Variants in SYCP3 observed in about 807,000 individuals in gnomAD.
SYCP3 encodes the protein synaptonemal complex protein 3.
Under a neutral mutation model 38.5 loss-of-function variants are expected in SYCP3, and 29 were observed. That is an observed-to-expected ratio of 0.75 (90% CI 0.56 to 1.03). The LOEUF is 1.03. Among genes scored for constraint, SYCP3 ranks in the 50% least tolerant of loss-of-function variants. The pLI is 0.00. For missense variants in SYCP3, 242 were observed against 270.7 expected (o/e 0.89, Z 0.74); for synonymous variants, 79 against 80.3 (o/e 0.98, Z 0.08).
intron 4 of SYCP3, among the ~76,000 whole-genome samples, 191 bp from the exon 5 acceptor site, chr12:101,735,235 T>C (rs1368223176): frequency 6.6e-6 from 1 of 152,204 alleles, no homozygotes; most frequent in African/African-American, 2.4e-5. Context: ...AACTCTCAGC[T>C]ACTAGCACCC....
rs1594181246 is a variant in SYCP3, at chr12:101,736,953, T to C, written c.235+84A>G. 4.0e-6 allele frequency: 5 copies of C among 1,260,584 alleles called. No homozygotes were observed. In the East Asian group the frequency reaches 7.4e-5, roughly 19 times the overall value. The allele number at this position is 1,260,584 out of a possible 1,614,324, so 78.1% of individuals were successfully genotyped here. ...AACAAGGCATTAAATAACAGTCTTATAGTCCATTATTAACATTTGTTATTA... is the reference window on the plus strand; with the variant it reads ...AACAAGGCATTAAATAACAGTCTTACAGTCCATTATTAACATTTGTTATTA... On this transcript the variant is annotated intron_variant, in intron 4 of 8. Coordinates refer to ENST00000392924, the MANE Select transcript of SYCP3 (RefSeq NM_001177949.2).
intron 5 of SYCP3, among the ~76,000 whole-genome samples, chr12:101,734,329 G>A (rs1032661145): frequency 2.0e-5 from 3 of 152,188 alleles, no homozygotes; most frequent in African/African-American, 4.8e-5. Context: ...GGAGGCTGAG[G>A]TGAGAGGATC....
chr12:101,738,609 G>A (rs2137081237), intron 1 of SYCP3, among the ~76,000 whole-genome samples: 1 of 152,286 alleles, frequency 6.6e-6, no homozygotes, highest in South Asian at 2.1e-4. Flanking sequence ...GGTGGCGGGT[G>A]CCTATGATCT....
intron 4 of SYCP3, among the ~76,000 whole-genome samples, chr12:101,735,475 A>G (rs1176132574): frequency 6.6e-6 from 1 of 152,084 alleles, no homozygotes; most frequent in Non-Finnish European, 1.5e-5. Flanking sequence ...ATCCTGACCA[A>G]CGTGGTGAAA....
chr12:101,737,862 T>G lies in SYCP3; in HGVS notation c.74A>C (p.Tyr25Ser), dbSNP rs767004353. Reference protein sequence around the residue: ...PSVEDQFTRAYDFETEDKKDL... With the variant: ...PSVEDQFTRASDFETEDKKDL... The stretch of plus-strand genomic sequence containing the variant: ...TTTCTTATCTTCAGTCTCAAAGTCA[T>G]AGGCTCTCGTAAACTGATCTTCCAC... The change falls in exon 2 of 9, where the codon TAT becomes TCT. Residue 25 changes from tyrosine (Y) to serine (S), a missense_variant. By Grantham distance (144) the Tyr-to-Ser change is moderately radical. Transcript: ENST00000392924. 6 of 1,614,122 alleles carry G rather than the reference T, an allele frequency of 3.7e-6. No individual in the cohort carries two copies. The highest frequency in any genetic ancestry group is 1.7e-5 in the Admixed American group (1 of 60,006).
chr12:101,737,998 T>C (rs955525768), intron 1 of SYCP3, 46 bp from the exon 2 acceptor site: 106 of 1,598,720 alleles, frequency 6.6e-5, no homozygotes, highest in Non-Finnish European at 8.6e-5. Flanking sequence ...AAAGACATCA[T>C]TTTAATACAC....
At chr12:101,734,086 C>G (rs1478232763) in intron 5 of SYCP3, among the ~76,000 whole-genome samples, 1 of 151,938 alleles carries the variant, frequency 6.6e-6, no homozygotes, top group African/African-American at 2.4e-5. Context: ...ATTTTTTTCC[C>G]TATTTTGGCT....
At position 101,728,854 on chromosome 12, in the gene SYCP3, T is replaced by TA. The variant is rs1332157219; in HGVS notation, c.*72dup. 3.1e-6 allele frequency: 5 copies of TA among 1,601,872 alleles called. No homozygotes were observed. Among genetic ancestry groups the TA allele is most frequent in the African/African-American group, 2.7e-5 (2 of 74,680 alleles). ...TTACAATTAAACTATTCTAAAGACT[T>TA]ACAATATGCTTCTTAGCTAACGTTA... On this transcript the variant is annotated 3_prime_UTR_variant, in exon 9 of 9. Transcript: ENST00000392924.
chr12:101,735,488 C>G (rs1014468509), intron 4 of SYCP3, among the ~76,000 whole-genome samples: 4 of 151,948 alleles, frequency 2.6e-5, no homozygotes, highest in African/African-American at 4.8e-5. Context: ...TGGTGAAAGC[C>G]TGTCTCTACT....
chr12:101,736,692 ATATG>A (rs1211094810), intron 4 of SYCP3, among the ~76,000 whole-genome samples: 1 of 134,846 alleles, frequency 7.4e-6, no homozygotes, highest in Non-Finnish European at 1.6e-5. Flanking sequence ...ATATACAAAT[ATATG>A]TATGTATGTA....
rs1594183076 is a variant in SYCP3, at chr12:101,737,381, T to G, written c.134-83A>C. On this transcript the variant is annotated intron_variant, in intron 2 of 8. Coordinates refer to ENST00000392924, the MANE Select transcript of SYCP3 (RefSeq NM_001177949.2). ...GGTAAATTTTAATGAAACATCTTCA[T>G]TTGGGGATTTTTAGGCTTTTTGCCA... 22 of 1,312,718 alleles carry G rather than the reference T, an allele frequency of 1.7e-5. No individual in the cohort carries two copies. In the East Asian group the frequency reaches 5.1e-4, roughly 30 times the overall value. The allele number at this position is 1,312,718 out of a possible 1,614,324, so 81.3% of individuals were successfully genotyped here. A position where few individuals can be genotyped will look rare whatever the true frequency, so the allele number is the denominator to read the frequency against.
rs1228686949 is a variant in SYCP3 at position 101,728,862 on chromosome 12, G to A, written c.*65C>T. 2 of 1,605,250 alleles carry A rather than the reference G, an allele frequency of 1.2e-6. No homozygotes were observed. The highest frequency in any genetic ancestry group is 3.3e-5 in the Admixed American group (2 of 59,896). ...AAACTATTCTAAAGACTTACAATAT[G>A]CTTCTTAGCTAACGTTATAATTGTA... On this transcript the variant is annotated 3_prime_UTR_variant, in exon 9 of 9. Coordinates refer to ENST00000392924, the MANE Select transcript of SYCP3 (RefSeq NM_001177949.2).
chr12:101,737,346 A>C, intron 2 of SYCP3, 48 bp from the exon 3 acceptor site: 1 of 1,482,046 alleles, frequency 6.7e-7, no homozygotes, highest in Non-Finnish European at 9.2e-7. Flanking sequence ...GAAACTGAAT[A>C]GGTTATTTTG....
chr12:101,736,458 A>T (rs1333439748), intron 4 of SYCP3, among the ~76,000 whole-genome samples: 1 of 152,174 alleles, frequency 6.6e-6, no homozygotes, highest in Non-Finnish European at 1.5e-5. Flanking sequence ...TAAGATAACT[A>T]ATCTCTAACA....
In SYCP3 at chr12:101,739,439, T is replaced by A. The variant is rs143456701; in HGVS notation, c.-106A>T. 3 of 1,002,504 alleles carry A rather than the reference T, an allele frequency of 3.0e-6. No homozygotes were observed. The African/African-American group carries it at 5.2e-5, about 17-fold the overall frequency. 62.1% of individuals were successfully genotyped at this position (1,002,504 alleles called of 1,614,324 possible). A position where few individuals can be genotyped will look rare whatever the true frequency, so the allele number is the denominator to read the frequency against. ...CTCCACAAGCGCGCTTCACCTGAGG[T>A]GGCCCCTTCTCCGCGACGCTTCTGA... On this transcript the variant is annotated 5_prime_UTR_variant, in exon 1 of 9. Transcript: ENST00000392924.
chr12:101,729,501 T>C, intron 7 of SYCP3: 1 of 301,926 alleles, frequency 3.3e-6, no homozygotes, highest in Non-Finnish European at 6.1e-6. Context: ...CCCACATCAG[T>C]AAAAACCATT....
intron 4 of SYCP3, among the ~76,000 whole-genome samples, chr12:101,735,899 C>A (rs1952422723): frequency 6.1e-5 from 5 of 81,738 alleles, no homozygotes; most frequent in African/African-American, 3.4e-4. Context: ...ACACGGGGGT[C>A]TCACTATGTT....
intron 4 of SYCP3, among the ~76,000 whole-genome samples, chr12:101,735,657 C>G (rs1398294069): frequency 6.6e-6 from 1 of 150,752 alleles, no homozygotes; most frequent in Non-Finnish European, 1.5e-5. Flanking sequence ...GAGACTCCGT[C>G]TCAAAAATAA....
intron 2 of SYCP3, chr12:101,737,566 C>A: frequency 1.5e-6 from 1 of 663,160 alleles, no homozygotes; most frequent in Non-Finnish European, 2.5e-6. Flanking sequence ...TTGGAAATAA[C>A]TGCAAAAGCA....
Sources: allele counts gnomAD v4.1 joint callset (sites outside exome capture counted in the v4.1 genomes callset), GRCh38; gene constraint gnomAD v4.1.1; transcripts MANE v1.5; gene names NCBI Gene and HGNC (gene_info 2026-07-23, HGNC 2026-07-21).